CACNA2D3: variants seen among roughly 807,000 people sequenced by gnomAD.
CACNA2D3 encodes voltage-dependent calcium channel subunit alpha-2/delta-3.
Under a neutral mutation model 160.6 loss-of-function variants are expected in CACNA2D3, and 60 were observed. The observed-to-expected ratio is 0.37, with a 90% CI of 0.30 to 0.46. The LOEUF is 0.46. Ranked by LOEUF, CACNA2D3 falls within the 20% of genes least tolerant of loss-of-function variation. CACNA2D3 has a pLI of 1.00. For synonymous variants in CACNA2D3, 558 were observed against 492.9 expected, an observed-to-expected ratio of 1.13 and a Z score of -1.75; for missense variants, 1,205 against 1,365.0, an observed-to-expected ratio of 0.88 and a Z score of 1.85.
At chr3:54,984,267 C>T (rs561859769) in intron 29 of CACNA2D3, among the ~76,000 whole-genome samples, 1 of 151,614 alleles carries the variant, frequency 6.6e-6, no homozygotes, top group African/African-American at 2.4e-5. Flanking sequence ...GGCTTCTGAG[C>T]ACTTTGTTCC....
intron 16 of CACNA2D3, among the ~76,000 whole-genome samples, chr3:54,841,613 T>C (rs1698820957): frequency 6.6e-6 from 1 of 152,222 alleles, no homozygotes; most frequent in Non-Finnish European, 1.5e-5. Context: ...CTTGTAAAGA[T>C]GAGTCAGCTC....
At chr3:54,338,438 C>G (rs7638170) in intron 3 of CACNA2D3, among the ~76,000 whole-genome samples, 1 of 144,894 alleles carries the variant, frequency 6.9e-6, no homozygotes, top group African/African-American at 2.6e-5. Flanking sequence ...TGTTTTTCTT[C>G]TTTTTATAGC....
rs543716801 is a variant in CACNA2D3 at position 54,790,679 on chromosome 3, C to G, written c.1381-26174C>G. ...GAATAGCAGCAGAACACATCTCAAT[C>G]TCTCTATACCTAGAGCCCACCTTCC... On this transcript the variant is annotated intron_variant, in intron 13 of 37. Transcript: ENST00000474759. 9.2e-5 allele frequency among the ~76,000 whole-genome samples: 14 copies of G among 152,288 alleles called. No individual in the cohort carries two copies. In the South Asian group the frequency reaches 2.3e-3, roughly 25 times the overall value.
intron 2 of CACNA2D3, among the ~76,000 whole-genome samples, chr3:54,146,008 T>G (rs143495643): frequency 6.9e-4 from 105 of 152,348 alleles, no homozygotes; most frequent in African/African-American, 2.4e-3. Context: ...GCTTATATAT[T>G]TTTTAAAACC....
At chr3:54,919,444 GA>G (rs1700772500) in intron 27 of CACNA2D3, among the ~76,000 whole-genome samples, 1 of 152,220 alleles carries the variant, frequency 6.6e-6, no homozygotes, top group South Asian at 2.1e-4. Context: ...GACAATACTG[GA>G]AGTTTAGTTC....
chr3:54,211,562 AC>A (rs989547900), intron 2 of CACNA2D3, among the ~76,000 whole-genome samples: 5 of 152,088 alleles, frequency 3.3e-5, no homozygotes, highest in African/African-American at 9.7e-5. Context: ...TTGGAACCTT[AC>A]CCCTGAATGA....
intron 2 of CACNA2D3, among the ~76,000 whole-genome samples, chr3:54,286,508 G>T (rs1703030494): frequency 6.6e-6 from 1 of 152,204 alleles, no homozygotes; most frequent in Admixed American, 6.5e-5. Flanking sequence ...ACACTCTGCA[G>T]GATATTATCC....
At chr3:54,859,995 C>CAA (rs1699255279) in intron 17 of CACNA2D3, among the ~76,000 whole-genome samples, 1 of 151,770 alleles carries the variant, frequency 6.6e-6, no homozygotes, top group Non-Finnish European at 1.5e-5. Context: ...CACACACACA[C>CAA]ACACACACAC....
intron 27 of CACNA2D3, among the ~76,000 whole-genome samples, chr3:54,910,234 A>G (rs1283323301): frequency 6.6e-6 from 1 of 152,226 alleles, no homozygotes; most frequent in Non-Finnish European, 1.5e-5. Flanking sequence ...GTGTATGGTC[A>G]TAGTATATGC....
intron 27 of CACNA2D3, chr3:54,924,503 A>T: frequency 1.2e-6 from 1 of 829,924 alleles, no homozygotes; most frequent in Non-Finnish European, 1.9e-6. Context: ...CGATGTGTAA[A>T]AGCCCAAATC....
chr3:54,610,791 G>A (rs939559955), intron 9 of CACNA2D3, among the ~76,000 whole-genome samples: 7 of 152,078 alleles, frequency 4.6e-5, no homozygotes, highest in East Asian at 1.9e-4. Context: ...CACCATGCCC[G>A]GCTAATTTTG....
intron 16 of CACNA2D3, among the ~76,000 whole-genome samples, chr3:54,845,273 C>G (rs1354305039): frequency 1.3e-5 from 2 of 152,164 alleles, no homozygotes; most frequent in African/African-American, 4.8e-5. Flanking sequence ...TTCACATCAC[C>G]TTGACGTTAA....
chr3:54,130,041 CT>C (rs1699677610), intron 2 of CACNA2D3, among the ~76,000 whole-genome samples: 1 of 152,212 alleles, frequency 6.6e-6, no homozygotes, highest in Non-Finnish European at 1.5e-5. Flanking sequence ...GCAGTTGAAT[CT>C]GAGGACTTGC....
chr3:54,327,874 T>G (rs1704150953), intron 3 of CACNA2D3, among the ~76,000 whole-genome samples: 1 of 152,208 alleles, frequency 6.6e-6, no homozygotes, highest in African/African-American at 2.4e-5. Flanking sequence ...TATTCTTTCT[T>G]GTAACAGGCT....
At chr3:54,736,061 G>A (rs370901179) in intron 11 of CACNA2D3, among the ~76,000 whole-genome samples, 667 of 24,160 alleles carry the variant, frequency 0.028, 49 homozygotes, top group African/African-American at 0.069. Context: ...ACATATGTAT[G>A]TATATATATA....
At chr3:54,755,445 G>C (rs1233946740) in intron 12 of CACNA2D3, among the ~76,000 whole-genome samples, 1 of 152,152 alleles carries the variant, frequency 6.6e-6, no homozygotes, top group African/African-American at 2.4e-5. Flanking sequence ...AGTCTTTTAA[G>C]CAAGGCTCAA....
At chr3:54,748,849 G>C (rs997532130) in intron 11 of CACNA2D3, among the ~76,000 whole-genome samples, 1 of 152,160 alleles carries the variant, frequency 6.6e-6, no homozygotes, top group African/African-American at 2.4e-5. Flanking sequence ...AGAAACTCCA[G>C]TTGTTGGAAA....
At chr3:54,886,040 T>G (rs910839218) in intron 23 of CACNA2D3, among the ~76,000 whole-genome samples, 1 of 152,144 alleles carries the variant, frequency 6.6e-6, no homozygotes, top group East Asian at 1.9e-4. Context: ...CTGAGTGCCC[T>G]GCCTACCAAG....
chr3:54,709,362 C>T (rs1559555151), intron 11 of CACNA2D3, among the ~76,000 whole-genome samples: 2 of 82,308 alleles, frequency 2.4e-5, no homozygotes, highest in African/African-American at 8.4e-5. Context: ...CTCTCTCTCT[C>T]TCTTTTTTTT....
Sources: allele counts gnomAD v4.1 joint callset (sites outside exome capture counted in the v4.1 genomes callset), GRCh38; gene constraint gnomAD v4.1.1; transcripts MANE v1.5; gene names NCBI Gene and HGNC (gene_info 2026-07-23, HGNC 2026-07-21).